The following IFFO2 variants were observed in gnomAD, a reference collection of about 807,000 sequenced individuals.
The protein encoded by IFFO2 is intermediate filament family orphan 2.
IFFO2 carries 19 observed loss-of-function variants against 53.5 expected under a neutral mutation model. That is an observed-to-expected ratio of 0.36 (90% CI 0.25 to 0.52). IFFO2 has a LOEUF of 0.52. Among genes scored for constraint, IFFO2 ranks in the 20% least tolerant of loss-of-function variants. The probability of loss-of-function intolerance (pLI) is 0.94; values close to 1 mark genes in which losing one functional copy is unlikely to be tolerated. For synonymous variants in IFFO2, 303 were observed against 313.6 expected (o/e 0.97, Z 0.36); for missense variants, 570 against 727.4 (o/e 0.78, Z 2.49).
At chr1:18,949,381 G>A (rs1936630218) in intron 1 of IFFO2, among the ~76,000 whole-genome samples, 1 of 152,252 alleles carries the variant, frequency 6.6e-6, no homozygotes, top group Non-Finnish European at 1.5e-5. Flanking sequence ...GCTGTGATCG[G>A]GAGGTGGTGG....
Position 18,918,534 on chromosome 1 carries a change from G to T in IFFO2, c.823-32C>A. The stretch of plus-strand genomic sequence containing the variant: ...GGAGGACAGCAGGGTTTACATGAGC[G>T]AGGGATGGAGCAAGCCTGGGGGGCT... On this transcript the variant is annotated intron_variant, in intron 3 of 8. Coordinates refer to ENST00000455833, the MANE Select transcript of IFFO2 (RefSeq NM_001136265.2). This position sits in a 1 kb window ranked among gnomAD's most constrained non-coding sequence, Gnocchi z 5.2. 2 of 1,550,298 alleles carry T rather than the reference G, an allele frequency of 1.3e-6. No individual in the cohort carries two copies. Among genetic ancestry groups the T allele is most frequent in the Non-Finnish European group, 1.7e-6 (2 of 1,145,788 alleles).
At chr1:18,913,635 T>C (rs1367774603) in intron 5 of IFFO2, among the ~76,000 whole-genome samples, 1 of 152,170 alleles carries the variant, frequency 6.6e-6, no homozygotes, top group Non-Finnish European at 1.5e-5. Flanking sequence ...GGCTGCATTA[T>C]TCAAACACTT....
At chr1:18,934,057 C>CTTTCTTTTTTT (rs1936413944) in intron 1 of IFFO2, among the ~76,000 whole-genome samples, 1 of 70,330 alleles carries the variant, frequency 1.4e-5, no homozygotes, top group Non-Finnish European at 2.5e-5. Flanking sequence ...TCTCTTATTT[C>CTTTCTTTTTTT]TTTTTTTTTT....
Position 18,955,887 on chromosome 1 carries a change from G to A in IFFO2, c.446C>T (p.Ser149Leu), listed in dbSNP as rs1000196463. Residue 149 changes from serine (S) to leucine (L), a missense_variant, in exon 1 of 9, where the codon TCG becomes TTG. By Grantham distance (145) the Ser-to-Leu change is moderately radical. Transcript: ENST00000455833. The stretch of plus-strand genomic sequence containing the variant: ...CAGGCGGCCGTAGTGCTGCGGGTGC[G>A]AGCCGCCGCCGGGGGGCAGGCCGCC... ...ALGGLPPGGG[S>L]HPQHYGRLPG... The A allele has an allele frequency of 3.1e-5, 42 of 1,357,612 alleles. No individual in the cohort carries two copies. The African/African-American group carries it at 5.4e-4, about 17-fold the overall frequency. The allele number at this position is 1,357,612 out of a possible 1,614,324, so 84.1% of individuals were successfully genotyped here.
At chr1:18,941,348 G>A (rs1207260001) in intron 1 of IFFO2, among the ~76,000 whole-genome samples, 1 of 152,240 alleles carries the variant, frequency 6.6e-6, no homozygotes, top group African/African-American at 2.4e-5. Flanking sequence ...CCCACCTTGG[G>A]GGGTGATGTG....
chr1:18,908,461 G>C lies in IFFO2; in HGVS notation c.*100C>G. 1.3e-6 allele frequency: 1 copy of C among 798,294 alleles called. No individual in the cohort carries two copies. Among genetic ancestry groups the C allele is most frequent in the South Asian group, 1.5e-5 (1 of 67,650 alleles). 49.5% of individuals were successfully genotyped at this position (798,294 alleles called of 1,614,324 possible). A position where few individuals can be genotyped will look rare whatever the true frequency, so the allele number is the denominator to read the frequency against. ...AGGGAGGGCAGAGAAAGTCTGTGTGGTGTGGCTTCGAACCCCACTCCGAGG... is the reference window on the plus strand; with the variant it reads ...AGGGAGGGCAGAGAAAGTCTGTGTGCTGTGGCTTCGAACCCCACTCCGAGG... On this transcript the variant is annotated 3_prime_UTR_variant, in exon 9 of 9. Coordinates refer to ENST00000455833, the MANE Select transcript of IFFO2 (RefSeq NM_001136265.2).
At chr1:18,924,833 C>T (rs759479811) in intron 1 of IFFO2, among the ~76,000 whole-genome samples, 4 of 152,334 alleles carry the variant, frequency 2.6e-5, no homozygotes, top group Non-Finnish European at 5.9e-5. Context: ...GACAGGCCTG[C>T]CACTGGCAGA....
Position 18,917,184 on chromosome 1 carries a change from C to A in IFFO2, c.964-142G>T. The A allele has an allele frequency of 1.1e-6, 1 of 921,876 alleles. No individual in the cohort carries two copies. Among genetic ancestry groups the A allele is most frequent in the Non-Finnish European group, 1.6e-6 (1 of 624,158 alleles). The allele number at this position is 921,876 out of a possible 1,614,324, so 57.1% of individuals were successfully genotyped here. A position where few individuals can be genotyped will look rare whatever the true frequency, so the allele number is the denominator to read the frequency against. On this transcript the variant is annotated intron_variant, in intron 4 of 8. Coordinates refer to ENST00000455833, the MANE Select transcript of IFFO2 (RefSeq NM_001136265.2). The surrounding 1 kb of genome is among the most constrained non-coding windows in gnomAD (Gnocchi z 5.9). ...CAGTGCCAGGAAAGGTGCAGGTCCTCTAAGAAGCAGGCGGCGTTAGCAGGA... is the reference window on the plus strand; with the variant it reads ...CAGTGCCAGGAAAGGTGCAGGTCCTATAAGAAGCAGGCGGCGTTAGCAGGA...
At chr1:18,943,212 A>AT (rs1017324476) in intron 1 of IFFO2, among the ~76,000 whole-genome samples, 4 of 151,592 alleles carry the variant, frequency 2.6e-5, no homozygotes, top group African/African-American at 7.3e-5. Flanking sequence ...AACAAAAATT[A>AT]TTTTTTTTAA....
chr1:18,909,376 TG>T (rs1232150442), intron 8 of IFFO2, among the ~76,000 whole-genome samples: 2 of 152,232 alleles, frequency 1.3e-5, no homozygotes, highest in Non-Finnish European at 2.9e-5. Context: ...GCAGGGGCTC[TG>T]CTTTATGTGC....
In IFFO2 at chr1:18,916,929, A is replaced by G; in HGVS notation, c.1077T>C (p.Asp359=). ...DDEVGSMNIT[D]EMKRMFNQLR... is the part of the protein sequence containing the mutation. ...GCTGGTTAAACATGCGCTTCATCTC[A>G]TCGGTGATGTTCATGGAGCCGACCT... is the stretch of plus-strand genomic sequence containing the variant. Residue 359 remains aspartate (D), a synonymous_variant, in exon 5 of 9, where the codon GAT becomes GAC. Coordinates refer to ENST00000455833, the MANE Select transcript of IFFO2 (RefSeq NM_001136265.2). The surrounding 1 kb of genome is among the most constrained non-coding windows in gnomAD (Gnocchi z 4.3). The G allele has an allele frequency of 2.6e-6, 4 of 1,545,948 alleles. No individual in the cohort carries two copies. Among genetic ancestry groups the G allele is most frequent in the Non-Finnish European group, 3.5e-6 (4 of 1,141,636 alleles).
intron 1 of IFFO2, among the ~76,000 whole-genome samples, chr1:18,929,655 T>TTAGCCAACAG (rs1936346679): frequency 4.9e-5 from 1 of 20,272 alleles, no homozygotes; most frequent in South Asian, 1.4e-3. Context: ...CTCTCTGTGG[T>TTAGCCAACAG]GACTTGAGAG....
intron 5 of IFFO2, among the ~76,000 whole-genome samples, chr1:18,913,818 T>C (rs187865456): frequency 0.016 from 1,794 of 111,666 alleles, 35 homozygotes; most frequent in African/African-American, 0.046. Context: ...TTTGTTGTTG[T>C]TGTTGTTTTT....
chr1:18,913,924 G>A (rs1296530735), intron 5 of IFFO2, among the ~76,000 whole-genome samples: 1 of 149,852 alleles, frequency 6.7e-6, no homozygotes, highest in Non-Finnish European at 1.5e-5. Flanking sequence ...TCCGCCCCCT[G>A]GGGTTCACGC....
chr1:18,918,324 G>A lies in IFFO2; in HGVS notation c.963+38C>T. On this transcript the variant is annotated intron_variant, in intron 4 of 8. Coordinates refer to ENST00000455833, the MANE Select transcript of IFFO2 (RefSeq NM_001136265.2). This position sits in a 1 kb window ranked among gnomAD's most constrained non-coding sequence, Gnocchi z 5.2. The stretch of plus-strand genomic sequence containing the variant: ...TGGAGGCCAGGGCTGCTCTGGGAGA[G>A]TGGGGGGTTGGCTGGTGAGCAGGGC... 6.5e-7 allele frequency: 1 copy of A among 1,540,076 alleles called. No individual in the cohort carries two copies. The highest frequency in any genetic ancestry group is 8.8e-7 in the Non-Finnish European group (1 of 1,137,488).
rs551001348 is a variant in IFFO2 at position 18,925,172 on chromosome 1, G to T, written c.666-4051C>A. Among the ~76,000 whole-genome samples, 186 of 152,144 alleles carry T rather than the reference G, an allele frequency of 1.2e-3. 1 individual carries two copies. Among genetic ancestry groups the T allele is most frequent in the Middle Eastern group, 3.4e-3 (1 of 294 alleles). ...CTCATACTTCCCTCTATAAAATCCCGCTGAGCCCTCCCCTGGGGATCATCC... is the reference window on the plus strand; with the variant it reads ...CTCATACTTCCCTCTATAAAATCCCTCTGAGCCCTCCCCTGGGGATCATCC... On this transcript the variant is annotated intron_variant, in intron 1 of 8. Transcript: ENST00000455833.
Position 18,928,720 on chromosome 1 carries a change from G to T in IFFO2, c.666-7599C>A, listed in dbSNP as rs756786300. Among the ~76,000 whole-genome samples the T allele has an allele frequency of 6.6e-6, 1 of 152,224 alleles. No homozygotes were observed. Among genetic ancestry groups the T allele is most frequent in the South Asian group, 2.1e-4 (1 of 4,832 alleles). ...AGGTCCTGGTTCATGCCCTGGCTGC[G>T]TTGCTAATTTGCTGCATGACCCTGA... On this transcript the variant is annotated intron_variant, in intron 1 of 8. Transcript: ENST00000455833. This position sits in a 1 kb window ranked among gnomAD's most constrained non-coding sequence, Gnocchi z 4.9.
In IFFO2 at chr1:18,919,309, G is replaced by A. The variant is rs1006900529; in HGVS notation, c.822+369C>T. Among the ~76,000 whole-genome samples the A allele has an allele frequency of 6.9e-4, 105 of 152,298 alleles. No individual in the cohort carries two copies. The highest frequency in any genetic ancestry group is 2.4e-3 in the African/African-American group (101 of 41,574). Reference sequence around the variant, plus strand: ...TCTCTCAGGCCCGCACAGACCAGACGGCACCTGGCCCAACCTGCCAGACGC... The same window carrying A: ...TCTCTCAGGCCCGCACAGACCAGACAGCACCTGGCCCAACCTGCCAGACGC... On this transcript the variant is annotated intron_variant, in intron 3 of 8. Transcript: ENST00000455833. The surrounding 1 kb of genome is among the most constrained non-coding windows in gnomAD (Gnocchi z 4.9).
intron 1 of IFFO2, 77 bp from the exon 2 acceptor site, chr1:18,921,198 AC>A: frequency 8.1e-7 from 1 of 1,237,552 alleles, no homozygotes; most frequent in Non-Finnish European, 1.2e-6. Context: ...CAACCCCAAC[AC>A]CCACCCAGGG....
Sources: allele counts gnomAD v4.1 joint callset (sites outside exome capture counted in the v4.1 genomes callset), GRCh38; gene constraint gnomAD v4.1.1; non-coding constraint Gnocchi (gnomAD v3.1); transcripts MANE v1.5; gene names NCBI Gene and HGNC (gene_info 2026-07-23, HGNC 2026-07-21).